Variants in CNTNAP2 observed in about 807,000 individuals in gnomAD.
CNTNAP2 encodes the protein contactin associated protein 2.
CNTNAP2 carries 98 observed loss-of-function variants against 155.2 expected under a neutral mutation model. That is an observed-to-expected ratio of 0.63 (90% CI 0.54 to 0.75). The LOEUF is 0.75. CNTNAP2 is among the 30% of genes least tolerant of loss of function. CNTNAP2 has a pLI of 0.00. For missense variants in CNTNAP2, 1,727 were observed against 1,688.1 expected (o/e 1.02, Z -0.40); for synonymous variants, 651 against 631.2 (o/e 1.03, Z -0.47).
chr7:147,947,247 T>G (rs1800836694), intron 14 of CNTNAP2, among the ~76,000 whole-genome samples: 1 of 152,050 alleles, frequency 6.6e-6, no homozygotes, highest in Non-Finnish European at 1.5e-5. Context: ...TAATCTTTCC[T>G]GGTTGTTTGA....
chr7:146,185,761 C>CTTTTTTTTTTTTTTTTTTTTTTATTT (rs1554400924), intron 1 of CNTNAP2, among the ~76,000 whole-genome samples: 1 of 94,888 alleles, frequency 1.1e-5, no homozygotes. Flanking sequence ...TTTTATTATT[C>CTTTTTTTTTTTTTTTTTTTTTTATTT]TTTTTTTTTT....
chr7:147,306,262 A>G (rs959007735), intron 9 of CNTNAP2, among the ~76,000 whole-genome samples: 1 of 152,202 alleles, frequency 6.6e-6, no homozygotes, highest in East Asian at 1.9e-4. Context: ...TATATTATCT[A>G]TTCTCAAAGA....
chr7:147,207,000 T>C (rs2116562885), intron 8 of CNTNAP2, among the ~76,000 whole-genome samples: 1 of 152,286 alleles, frequency 6.6e-6, no homozygotes, highest in South Asian at 2.1e-4. Flanking sequence ...AGAAAACTGT[T>C]ACTGATCTCA....
At chr7:147,274,357 A>G (rs1804843410) in intron 8 of CNTNAP2, among the ~76,000 whole-genome samples, 1 of 152,156 alleles carries the variant, frequency 6.6e-6, no homozygotes, top group South Asian at 2.1e-4. Flanking sequence ...TGACTTGTAT[A>G]AGATGATCAT....
chr7:146,354,749 C>T (rs1180767203), intron 1 of CNTNAP2, among the ~76,000 whole-genome samples: 1 of 152,070 alleles, frequency 6.6e-6, no homozygotes, highest in Non-Finnish European at 1.5e-5. Flanking sequence ...ACCATATAAT[C>T]ATATAATATA....
intron 1 of CNTNAP2, among the ~76,000 whole-genome samples, chr7:146,571,364 C>T (rs956864028): frequency 1.3e-5 from 2 of 151,562 alleles, no homozygotes; most frequent in African/African-American, 4.8e-5. Flanking sequence ...TAGTATAATG[C>T]TATGTTTTCA....
At chr7:147,319,665 G>A (rs765201516) in intron 9 of CNTNAP2, among the ~76,000 whole-genome samples, 14 of 152,046 alleles carry the variant, frequency 9.2e-5, no homozygotes, top group Admixed American at 2.0e-4. Flanking sequence ...GGCATGAGCC[G>A]TGACACCCAG....
intron 13 of CNTNAP2, among the ~76,000 whole-genome samples, chr7:147,791,943 A>T (rs528700388): frequency 2.6e-5 from 4 of 152,266 alleles, no homozygotes; most frequent in Non-Finnish European, 4.4e-5. Context: ...CCGGGCATAG[A>T]GCGGCTTGGC....
At chr7:146,324,037 C>G (rs1801053251) in intron 1 of CNTNAP2, among the ~76,000 whole-genome samples, 1 of 152,164 alleles carries the variant, frequency 6.6e-6, no homozygotes, top group Non-Finnish European at 1.5e-5. Context: ...AACTAACTCT[C>G]AGAAGACTTA....
intron 3 of CNTNAP2, among the ~76,000 whole-genome samples, chr7:146,957,710 T>C (rs1046028584): frequency 9.2e-5 from 14 of 152,140 alleles, no homozygotes; most frequent in African/African-American, 3.4e-4. Context: ...CTCCATGTCG[T>C]GCTTATTTCA....
At chr7:147,032,713 G>A (rs993362416) in intron 3 of CNTNAP2, among the ~76,000 whole-genome samples, 5 of 151,502 alleles carry the variant, frequency 3.3e-5, no homozygotes, top group South Asian at 2.1e-4. Context: ...AAGAAAGAGA[G>A]AAAAAAAGGA....
intron 14 of CNTNAP2, among the ~76,000 whole-genome samples, chr7:147,934,928 G>T (rs946088437): frequency 1.3e-5 from 2 of 152,052 alleles, no homozygotes; most frequent in African/African-American, 4.8e-5. Flanking sequence ...CCAACTCTTA[G>T]TTCCCTCTTG....
rs376362965 is a variant in CNTNAP2, at chr7:148,092,899, AC to A, written c.2384-25218del. Among the ~76,000 whole-genome samples the A allele has an allele frequency of 7.8e-3, 1,131 of 145,186 alleles. 20 individuals carry two copies. Among genetic ancestry groups the A allele is most frequent in the African/African-American group, 0.028 (1,044 of 37,400 alleles). On this transcript the variant is annotated intron_variant, in intron 15 of 23. Coordinates refer to ENST00000361727, the MANE Select transcript of CNTNAP2 (RefSeq NM_014141.6). ...CAATTTAAAAAAAAAAAAAAAAAAA[AC>A]AACCACAAAGCTTTGGTCCAGGTGC...
chr7:146,965,186 G>A (rs970020492), intron 3 of CNTNAP2, among the ~76,000 whole-genome samples: 1 of 152,068 alleles, frequency 6.6e-6, no homozygotes, highest in Admixed American at 6.6e-5. Context: ...AGGAAGAATT[G>A]CAGGCACTCA....
intron 13 of CNTNAP2, among the ~76,000 whole-genome samples, chr7:147,882,890 G>T (rs1478671342): frequency 6.6e-6 from 1 of 152,090 alleles, no homozygotes. Flanking sequence ...AAAACAATTT[G>T]GTTTGACAAA....
chr7:148,258,552 T>C (rs1213378311), intron 20 of CNTNAP2, among the ~76,000 whole-genome samples: 1 of 152,120 alleles, frequency 6.6e-6, no homozygotes, highest in African/African-American at 2.4e-5. Flanking sequence ...GAGAAAGAGA[T>C]GGTCTCCACT....
rs552333828 is a variant in CNTNAP2, at chr7:147,871,579, C to T, written c.2099-31986C>T. Among the ~76,000 whole-genome samples, 62 of 152,210 alleles carry T rather than the reference C, an allele frequency of 4.1e-4. 1 individual carries two copies. In the South Asian group the frequency reaches 8.3e-3, roughly 20 times the overall value. On this transcript the variant is annotated intron_variant, in intron 13 of 23. Transcript: ENST00000361727. ...CAGCCCCCACTACAGCCATTACAAC[C>T]GGCTTGGCACGTCCACAGGGGCTGC... is the stretch of plus-strand genomic sequence containing the variant.
At position 148,187,827 on chromosome 7, in the gene CNTNAP2, G is replaced by T. The variant is rs547160143; in HGVS notation, c.3010+15349G>T. Among the ~76,000 whole-genome samples the T allele has an allele frequency of 1.3e-5, 2 of 152,226 alleles. 1 individual carries two copies. The highest frequency in any genetic ancestry group is 4.2e-4 in the South Asian group (2 of 4,814). On this transcript the variant is annotated intron_variant, in intron 18 of 23. Transcript: ENST00000361727. ...ATTTATCCTCTAGGCATGAGTAAAG[G>T]AATTCACAAATCAGAACATAGCTTG... is the stretch of plus-strand genomic sequence containing the variant.
intron 18 of CNTNAP2, among the ~76,000 whole-genome samples, chr7:148,177,139 T>C (rs745889259): frequency 6.6e-6 from 1 of 152,222 alleles, no homozygotes; most frequent in African/African-American, 2.4e-5. Context: ...CGTGGTTGAA[T>C]GCCATAGTAG....
Sources: allele counts gnomAD v4.1 joint callset (sites outside exome capture counted in the v4.1 genomes callset), GRCh38; gene constraint gnomAD v4.1.1; transcripts MANE v1.5; gene names NCBI Gene and HGNC (gene_info 2026-07-23, HGNC 2026-07-21).